The following NDOR1 variants were observed in gnomAD, a reference collection of about 807,000 sequenced individuals.
NDOR1 encodes the protein NADPH dependent diflavin oxidoreductase 1.
A neutral mutation model predicts 67.2 loss-of-function variants in NDOR1; 61 were observed. The observed-to-expected ratio is 0.91, with a 90% CI of 0.74 to 1.12. The LOEUF is 1.12. Among genes scored for constraint, NDOR1 ranks in the 50% most tolerant of loss-of-function variants. The probability of loss-of-function intolerance (pLI) is 0.00; values close to 1 mark genes in which losing one functional copy is unlikely to be tolerated. For missense variants in NDOR1, 878 were observed against 802.8 expected (o/e 1.09, Z -1.13); for synonymous variants, 378 against 343.7 (o/e 1.10, Z -1.10).
In NDOR1 at chr9:137,212,836, G is replaced by C. The variant is rs934377608; in HGVS notation, c.311+237G>C. On this transcript the variant is annotated intron_variant, in intron 3 of 13. Transcript: ENST00000684003. The surrounding 1 kb of genome is among the most constrained non-coding windows in gnomAD (Gnocchi z 4.3). ...AGGGCTGGGCTCCAGCCACGCTGACGTCACACAGGCCTACCTGGCGCCGGT... is the reference window on the plus strand; with the variant it reads ...AGGGCTGGGCTCCAGCCACGCTGACCTCACACAGGCCTACCTGGCGCCGGT... 1 of 533,642 alleles carries C rather than the reference G, an allele frequency of 1.9e-6. No homozygotes were observed. The highest frequency in any genetic ancestry group is 3.2e-5 in the Admixed American group (1 of 31,230). 33.1% of individuals were successfully genotyped at this position (533,642 alleles called of 1,614,324 possible). A position where few individuals can be genotyped will look rare whatever the true frequency, so the allele number is the denominator to read the frequency against.
At position 137,214,262 on chromosome 9, in the gene NDOR1, G is replaced by C; in HGVS notation, c.571G>C (p.Gly191Arg). 5.0e-6 allele frequency: 8 copies of C among 1,613,536 alleles called. No individual in the cohort carries two copies. Among genetic ancestry groups the C allele is most frequent in the Non-Finnish European group, 6.8e-6 (8 of 1,180,004 alleles). The change falls in exon 6 of 14, where the codon GGG becomes CGG. Residue 191 changes from glycine (G) to arginine (R), a missense_variant. By Grantham distance (125) the Gly-to-Arg change is moderately radical. Transcript: ENST00000684003. Reference protein sequence around the residue: ...LQEAPSTGSEGQRVAHPGSQE... With the variant: ...LQEAPSTGSERQRVAHPGSQE... ...AGAGGCACCCAGCACGGGCTCTGAG[G>C]GGCAGCGGGTAGCTCACCCCGGCTC...
At chr9:137,207,305 C>T (rs1009099395) in intron 2 of NDOR1, among the ~76,000 whole-genome samples, 3 of 151,722 alleles carry the variant, frequency 2.0e-5, no homozygotes, top group African/African-American at 7.3e-5. Flanking sequence ...GGACATGGAA[C>T]GGACCCAATA....
chr9:137,217,827 C>G lies in NDOR1; in HGVS notation c.*1411C>G. ...CCTGAACTGTGCCCTGGGGCCCCCA[C>G]CCTCCACCTGGCCGACTCCAGCTCT... On this transcript the variant is annotated 3_prime_UTR_variant, in exon 14 of 14. Coordinates refer to ENST00000684003, the MANE Select transcript of NDOR1 (RefSeq NM_014434.4). The G allele has an allele frequency of 2.5e-6, 1 of 397,202 alleles. No homozygotes were observed. The highest frequency in any genetic ancestry group is 1.4e-4 in the South Asian group (1 of 7,016). The allele number at this position is 397,202 out of a possible 1,614,324, so 24.6% of individuals were successfully genotyped here. A position where few individuals can be genotyped will look rare whatever the true frequency, so the allele number is the denominator to read the frequency against.
Position 137,212,746 on chromosome 9 carries a change from C to T in NDOR1, c.311+147C>T, listed in dbSNP as rs955024172. Reference sequence around the variant, plus strand: ...GTGGTACTGGCTTCTCCACAACGCTCCCTGGTGGGCACCCCAGGCTTCACG... The same window carrying T: ...GTGGTACTGGCTTCTCCACAACGCTTCCTGGTGGGCACCCCAGGCTTCACG... On this transcript the variant is annotated intron_variant, in intron 3 of 13. Transcript: ENST00000684003. This position sits in a 1 kb window ranked among gnomAD's most constrained non-coding sequence, Gnocchi z 4.3. The T allele has an allele frequency of 7.2e-6, 5 of 695,998 alleles. No homozygotes were observed. The highest frequency in any genetic ancestry group is 1.2e-5 in the Non-Finnish European group (5 of 400,886). 43.1% of individuals were successfully genotyped at this position (695,998 alleles called of 1,614,324 possible).
rs1308822810 is a variant in NDOR1 at position 137,216,539 on chromosome 9, A to C, written c.*123A>C. 1.6e-5 allele frequency: 21 copies of C among 1,296,736 alleles called. No individual in the cohort carries two copies. The highest frequency in any genetic ancestry group is 2.2e-5 in the Non-Finnish European group (21 of 963,936). The allele number at this position is 1,296,736 out of a possible 1,614,324, so 80.3% of individuals were successfully genotyped here. Reference sequence around the variant, plus strand: ...GGACCAGCCAGCTGGTCCTCTGGGAACAGCCAGCTCCCGAGCACAGCCGCA... The same window carrying C: ...GGACCAGCCAGCTGGTCCTCTGGGACCAGCCAGCTCCCGAGCACAGCCGCA... On this transcript the variant is annotated 3_prime_UTR_variant, in exon 14 of 14. Coordinates refer to ENST00000684003, the MANE Select transcript of NDOR1 (RefSeq NM_014434.4).
At position 137,215,650 on chromosome 9, in the gene NDOR1, C is replaced by T; in HGVS notation, c.1289-9C>T. ...TGATCCTCTTCATGCCACCTCCTTC[C>T]TGCAATAGGACCTGTCCGGGTGCCC... is the stretch of plus-strand genomic sequence containing the variant. On this transcript the variant is annotated splice_polypyrimidine_tract_variant and intron_variant, in intron 10 of 13. Transcript: ENST00000684003. 6.3e-7 allele frequency: 1 copy of T among 1,575,088 alleles called. No homozygotes were observed. The highest frequency in any genetic ancestry group is 8.6e-7 in the Non-Finnish European group (1 of 1,160,164).
chr9:137,208,278 C>T (rs576289779), intron 2 of NDOR1, among the ~76,000 whole-genome samples: 7 of 150,718 alleles, frequency 4.6e-5, no homozygotes, highest in Non-Finnish European at 8.8e-5. Flanking sequence ...TGTGAAACCT[C>T]GTCTCTACTA....
intron 13 of NDOR1, 36 bp downstream of exon 13, chr9:137,216,224 C>G: frequency 6.2e-7 from 1 of 1,613,014 alleles, no homozygotes; most frequent in Non-Finnish European, 8.5e-7. Flanking sequence ...GTGGGCCCAG[C>G]CCCTGAGTGC....
rs185660384 is a variant in NDOR1, at chr9:137,212,882, G to A, written c.311+283G>A. The A allele has an allele frequency of 9.8e-5, 45 of 459,292 alleles. No individual in the cohort carries two copies. The Admixed American group carries it at 1.1e-3, about 11-fold the overall frequency. 28.5% of individuals were successfully genotyped at this position (459,292 alleles called of 1,614,324 possible). On this transcript the variant is annotated intron_variant, in intron 3 of 13. Coordinates refer to ENST00000684003, the MANE Select transcript of NDOR1 (RefSeq NM_014434.4). The surrounding 1 kb of genome is among the most constrained non-coding windows in gnomAD (Gnocchi z 4.3). ...CCGGTCCCCACTTTTACAAAAAGGCGTGCTGTGAAGTGTTGACGACTTTGA... is the reference window on the plus strand; with the variant it reads ...CCGGTCCCCACTTTTACAAAAAGGCATGCTGTGAAGTGTTGACGACTTTGA...
rs573074562 is a variant in NDOR1, at chr9:137,213,838, C to T, written c.370C>T (p.Leu124Phe). 13 of 1,611,770 alleles carry T rather than the reference C, an allele frequency of 8.1e-6. No individual in the cohort carries two copies. Among genetic ancestry groups the T allele is most frequent in the East Asian group, 6.7e-5 (3 of 44,848 alleles). ...RRLLQLGGSA[L>F]LPVCLGDDQH... Reference sequence around the variant, plus strand: ...GCTACTGCAGCTTGGGGGCAGCGCCCTCCTGCCCGTGTGCCTGGGCGATGA... The same window carrying T: ...GCTACTGCAGCTTGGGGGCAGCGCCTTCCTGCCCGTGTGCCTGGGCGATGA... Residue 124 changes from leucine (L) to phenylalanine (F), a missense_variant, in exon 4 of 14, where the codon CTC becomes TTC. By Grantham distance (22) the Leu-to-Phe change is conservative. Coordinates refer to ENST00000684003, the MANE Select transcript of NDOR1 (RefSeq NM_014434.4).
In NDOR1 at chr9:137,214,846, T is replaced by A. The variant is rs1296357497; in HGVS notation, c.893T>A (p.Leu298His). 6.2e-7 allele frequency: 1 copy of A among 1,609,228 alleles called. No individual in the cohort carries two copies. The highest frequency in any genetic ancestry group is 1.3e-5 in the African/African-American group (1 of 75,048). Residue 298 changes from leucine (L) to histidine (H), a missense_variant, in exon 8 of 14, where the codon CTC becomes CAC. Coordinates refer to ENST00000684003, the MANE Select transcript of NDOR1 (RefSeq NM_014434.4). ...CCCCAGCCCTGCTCCATGCGGCACC[T>A]CGTGTCCCACTACCTGGACATCGCC... The part of the protein sequence containing the change: ...RLPQPCSMRH[L>H]VSHYLDIASV...
chr9:137,210,098 C>G (rs1343356928), intron 2 of NDOR1, among the ~76,000 whole-genome samples: 2 of 152,206 alleles, frequency 1.3e-5, no homozygotes, highest in African/African-American at 4.8e-5. Flanking sequence ...AAGAACCACA[C>G]CCCACCCGAG....
At position 137,217,783 on chromosome 9, in the gene NDOR1, C is replaced by T; in HGVS notation, c.*1367C>T. On this transcript the variant is annotated 3_prime_UTR_variant, in exon 14 of 14. Transcript: ENST00000684003. ...GGTCCCTGTCCTCCTATCCTGACTC[C>T]TGCCCCAGGGCCACCACCCCTGAAC... The T allele has an allele frequency of 2.5e-6, 1 of 395,318 alleles. No individual in the cohort carries two copies. The highest frequency in any genetic ancestry group is 4.5e-6 in the Non-Finnish European group (1 of 224,580). 24.5% of individuals were successfully genotyped at this position (395,318 alleles called of 1,614,324 possible).
chr9:137,206,602 A>G (rs905684384), intron 2 of NDOR1, among the ~76,000 whole-genome samples: 1 of 152,150 alleles, frequency 6.6e-6, no homozygotes, highest in African/African-American at 2.4e-5. Context: ...TATGACCCTC[A>G]GGGAACGTTG....
chr9:137,205,895 C>T lies in NDOR1; in HGVS notation c.118C>T (p.Leu40=), dbSNP rs1010471773. ...RRRLGCRVQA[L]DSYPVVNLIN... The stretch of plus-strand genomic sequence containing the variant: ...GCGGCTTGGCTGCCGGGTGCAGGCC[C>T]TGGACTCCTACCCGGTGGTGAGGGC... Residue 40 remains leucine (L), a synonymous_variant, in exon 1 of 14, where the codon CTG becomes TTG. Transcript: ENST00000684003. 9.4e-6 allele frequency: 15 copies of T among 1,595,582 alleles called. No individual in the cohort carries two copies. Among genetic ancestry groups the T allele is most frequent in the Non-Finnish European group, 1.3e-5 (15 of 1,176,932 alleles).
Position 137,216,395 on chromosome 9 carries a change from CCAGA to C in NDOR1, c.1778_1781del (p.Thr593ArgfsTer14). The C allele has an allele frequency of 6.2e-7, 1 of 1,605,486 alleles. No individual in the cohort carries two copies. The highest frequency in any genetic ancestry group is 8.5e-7 in the Non-Finnish European group (1 of 1,179,658). On this transcript the variant is annotated frameshift_variant, in exon 14 of 14. Coordinates refer to ENST00000684003, the MANE Select transcript of NDOR1 (RefSeq NM_014434.4). LOFTEE classifies it high-confidence loss of function. ...CCAGGCTCCAGCAGACACGGCGCTT[CCAGA>C]CAGAGACGTGGGCCTGAGGCCCGCG... is the stretch of plus-strand genomic sequence containing the variant.
At chr9:137,213,515 G>A (rs895527471) in intron 3 of NDOR1, among the ~76,000 whole-genome samples, 2 of 152,182 alleles carry the variant, frequency 1.3e-5, no homozygotes, top group Non-Finnish European at 1.5e-5. Context: ...GAGGCCGCCT[G>A]CTCCCACCCA....
chr9:137,215,928 C>G lies in NDOR1; in HGVS notation c.1465C>G (p.Arg489Gly). The G allele has an allele frequency of 6.2e-7, 1 of 1,613,640 alleles. No homozygotes were observed. Among genetic ancestry groups the G allele is most frequent in the Non-Finnish European group, 8.5e-7 (1 of 1,180,010 alleles). Residue 489 changes from arginine to glycine, a missense_variant, in exon 12 of 14, where the codon CGG (arginine) becomes GGG (glycine). Transcript: ENST00000684003. ...CTTCTTGTTTTTTGGCTGCCGCTGG[C>G]GGGACCAAGACTTCTACTGGGAGGC... ...GNFLFFGCRW[R>G]DQDFYWEAEW...
At chr9:137,210,655 CA>C (rs1304448221) in intron 2 of NDOR1, among the ~76,000 whole-genome samples, 2 of 152,148 alleles carry the variant, frequency 1.3e-5, no homozygotes, top group African/African-American at 4.8e-5. Context: ...CCAGCCTGGG[CA>C]ACATGACGAA....
Sources: gnomAD v4.1 joint callset for allele counts (sites outside exome capture counted in the v4.1 genomes callset) on GRCh38, gnomAD v4.1.1 for gene constraint, Gnocchi (gnomAD v3.1) non-coding constraint, MANE v1.5 for transcripts, NCBI Gene and HGNC (gene_info 2026-07-23, HGNC 2026-07-21) for gene names.